PPFIA2: variants seen among roughly 807,000 people sequenced by gnomAD.
The protein encoded by PPFIA2 is liprin-alpha-2.
A neutral mutation model predicts 175.5 loss-of-function variants in PPFIA2; 46 were observed. The ratio of observed to expected loss-of-function variants is 0.26; its 90% CI spans 0.21 to 0.34. PPFIA2 has a LOEUF of 0.34. PPFIA2 is among the 10% of genes least tolerant of loss of function. The probability of loss-of-function intolerance (pLI) is 1.00; values close to 1 mark genes in which losing one functional copy is unlikely to be tolerated. For synonymous variants in PPFIA2, 568 were observed against 511.4 expected (o/e 1.11, Z -1.49); for missense variants, 1,179 against 1,506.1 (o/e 0.78, Z 3.60).
chr12:81,642,734 T>TGTATTATATACATAC lies in PPFIA2; in HGVS notation c.303+34056_303+34057insGTATGTATATAATAC, dbSNP rs1567688409. Among the ~76,000 whole-genome samples the TGTATTATATACATAC allele has an allele frequency of 4.5e-3, 40 of 8,972 alleles. 11 individuals are homozygous for TGTATTATATACATAC. Among genetic ancestry groups the TGTATTATATACATAC allele is most frequent in the Non-Finnish European group, 6.3e-3 (24 of 3,814 alleles). 5.9% of individuals were successfully genotyped at this position (8,972 alleles called of 152,430 possible). ...TGTATGTATTATATACATACATGTA[T>TGTATTATATACATAC]ATGTATGTATGTATTATATACATAC... On this transcript the variant is annotated intron_variant, in intron 4 of 32. Transcript: ENST00000549396.
At chr12:81,540,095 C>T (rs991063575) in intron 4 of PPFIA2, among the ~76,000 whole-genome samples, 4 of 151,418 alleles carry the variant, frequency 2.6e-5, no homozygotes, top group Non-Finnish European at 5.9e-5. Flanking sequence ...AGAGAGAGAC[C>T]AATAGATATT....
At chr12:81,547,285 C>T (rs1372968243) in intron 4 of PPFIA2, among the ~76,000 whole-genome samples, 4 of 152,064 alleles carry the variant, frequency 2.6e-5, no homozygotes, top group Non-Finnish European at 2.9e-5. Context: ...TAACAAAAGT[C>T]GAGCCTCAAT....
At chr12:81,476,782 C>A (rs2057524376) in intron 4 of PPFIA2, among the ~76,000 whole-genome samples, 1 of 152,110 alleles carries the variant, frequency 6.6e-6, no homozygotes, top group South Asian at 2.1e-4. Flanking sequence ...CAGCAGTATT[C>A]ACAACAGCAA....
chr12:81,294,193 G>A (rs908726434), intron 24 of PPFIA2, among the ~76,000 whole-genome samples: 7 of 152,178 alleles, frequency 4.6e-5, no homozygotes, highest in East Asian at 3.9e-4. Flanking sequence ...TGGGTACAAC[G>A]TTCACTATTT....
At chr12:81,401,458 C>T (rs1053701745) in intron 8 of PPFIA2, among the ~76,000 whole-genome samples, 2 of 152,120 alleles carry the variant, frequency 1.3e-5, no homozygotes, top group Admixed American at 6.6e-5. Context: ...AATCGCTATT[C>T]CACATTGCCT....
intron 8 of PPFIA2, among the ~76,000 whole-genome samples, chr12:81,390,934 A>G (rs574015721): frequency 1.3e-5 from 2 of 151,854 alleles, no homozygotes; most frequent in South Asian, 2.1e-4. Flanking sequence ...ATCAAATACA[A>G]TGGTGTCTCA....
intron 3 of PPFIA2, among the ~76,000 whole-genome samples, chr12:81,705,137 C>T (rs1343303697): frequency 1.4e-5 from 2 of 139,834 alleles, no homozygotes; most frequent in African/African-American, 5.2e-5. Context: ...CCAGCCTCTA[C>T]CTGGTGTATT....
intron 22 of PPFIA2, among the ~76,000 whole-genome samples, chr12:81,309,789 T>C (rs2050272697): frequency 6.6e-6 from 1 of 152,060 alleles, no homozygotes; most frequent in Admixed American, 6.6e-5. Flanking sequence ...AGTTGCGAGT[T>C]ATGTAATCTC....
intron 19 of PPFIA2, among the ~76,000 whole-genome samples, chr12:81,343,314 T>C (rs1426690933): frequency 6.6e-6 from 1 of 152,090 alleles, no homozygotes; most frequent in African/African-American, 2.4e-5. Flanking sequence ...CCTACCTTTC[T>C]ATTTCTTACA....
chr12:81,592,717 C>G (rs754153909), intron 4 of PPFIA2, among the ~76,000 whole-genome samples: 7 of 152,090 alleles, frequency 4.6e-5, no homozygotes, highest in Non-Finnish European at 2.9e-5. Context: ...GTCTACTAAA[C>G]CTCTTTTTCT....
chr12:81,445,568 G>A lies in PPFIA2; in HGVS notation c.558C>T (p.Ala186=), dbSNP rs1192854113. ...TTCCATACTATACCTTTTCATCCAA[G>A]GCCTTGTGGTGCTCAAACAAAGATT... ...ALKSLFEHHK[A]LDEKVRERLR... Residue 186 remains alanine, a synonymous_variant, in exon 6 of 33, where the codon GCC becomes GCT. Coordinates refer to ENST00000549396, the MANE Select transcript of PPFIA2 (RefSeq NM_003625.5). The A allele has an allele frequency of 6.2e-7, 1 of 1,613,154 alleles. No homozygotes were observed. Among genetic ancestry groups the A allele is most frequent in the Non-Finnish European group, 8.5e-7 (1 of 1,179,550 alleles).
At chr12:81,456,183 T>C (rs1479654415) in intron 5 of PPFIA2, among the ~76,000 whole-genome samples, 1 of 152,152 alleles carries the variant, frequency 6.6e-6, no homozygotes. Flanking sequence ...ATGGTATAAA[T>C]AAATTTTAAA....
At chr12:81,683,251 A>C (rs1401319886) in intron 3 of PPFIA2, among the ~76,000 whole-genome samples, 5 of 152,024 alleles carry the variant, frequency 3.3e-5, no homozygotes, top group Admixed American at 3.3e-4. Flanking sequence ...TATTGTAAAA[A>C]TACTACTTGA....
At chr12:81,362,341 T>C (rs905401102) in intron 15 of PPFIA2, among the ~76,000 whole-genome samples, 9 of 151,526 alleles carry the variant, frequency 5.9e-5, no homozygotes, top group Non-Finnish European at 1.2e-4. Context: ...AATTTCTGTA[T>C]TGAACACATA....
Position 81,347,535 on chromosome 12 carries a change from G to A in PPFIA2, c.2230C>T (p.Leu744=), listed in dbSNP as rs752096231. ...GTTCTCTGGACACATCACCATACCAGTGTCATGACTCCCATCCGATCCATT... is the reference window on the plus strand; with the variant it reads ...GTTCTCTGGACACATCACCATACCAATGTCATGACTCCCATCCGATCCATT... ...REMDRMGVMT[L]PSDLRKHRRK... The change falls in exon 18 of 33, where the codon CTG becomes TTG. Residue 744 remains leucine, a splice_region_variant and synonymous_variant. Coordinates refer to ENST00000549396, the MANE Select transcript of PPFIA2 (RefSeq NM_003625.5). 2.5e-6 allele frequency: 4 copies of A among 1,595,892 alleles called. No individual in the cohort carries two copies. The South Asian group carries it at 4.4e-5, about 18-fold the overall frequency.
At chr12:81,720,147 G>T (rs917902762) in intron 3 of PPFIA2, among the ~76,000 whole-genome samples, 2 of 151,412 alleles carry the variant, frequency 1.3e-5, no homozygotes, top group South Asian at 4.2e-4. Context: ...GAAGAAGCAT[G>T]GCCTACATCT....
Position 81,467,012 on chromosome 12 carries a change from C to T in PPFIA2, c.304-9146G>A, listed in dbSNP as rs187544382. 2.6e-3 allele frequency among the ~76,000 whole-genome samples: 386 copies of T among 150,528 alleles called. 1 individual carries two copies. The highest frequency in any genetic ancestry group is 9.1e-3 in the African/African-American group (373 of 41,108). On this transcript the variant is annotated intron_variant, in intron 4 of 32. Transcript: ENST00000549396. ...AACTGAAACGTAACTCGAGATTCAC[C>T]TACCCAAGGCTCATTTTACTCATTG...
At chr12:81,440,704 T>G (rs948390956) in intron 6 of PPFIA2, among the ~76,000 whole-genome samples, 3 of 151,780 alleles carry the variant, frequency 2.0e-5, no homozygotes, top group Admixed American at 6.6e-5. Context: ...AAAGTCATAA[T>G]TTATGCTTGT....
At chr12:81,611,926 A>T (rs1188086120) in intron 4 of PPFIA2, among the ~76,000 whole-genome samples, 1 of 151,912 alleles carries the variant, frequency 6.6e-6, no homozygotes, top group African/African-American at 2.4e-5. Flanking sequence ...ACCAAATCTC[A>T]TTTCCCTCAC....
Sources: allele counts gnomAD v4.1 joint callset (sites outside exome capture counted in the v4.1 genomes callset), GRCh38; gene constraint gnomAD v4.1.1; transcripts MANE v1.5; gene names NCBI Gene and HGNC (gene_info 2026-07-23, HGNC 2026-07-21).